Variants in COL4A6 observed in about 807,000 individuals in gnomAD.
The protein encoded by COL4A6 is collagen type IV alpha 6 chain, also known as collagen alpha-6(IV) chain.
COL4A6 carries 59 observed loss-of-function variants against 126.7 expected under a neutral mutation model. The ratio of observed to expected loss-of-function variants is 0.47; its 90% CI spans 0.38 to 0.58. The LOEUF is 0.58. Among genes scored for constraint, COL4A6 ranks in the 20% least tolerant of loss-of-function variants. COL4A6 has a pLI of 0.00. For missense variants in COL4A6, 1,285 were observed against 1,337.3 expected, an observed-to-expected ratio of 0.96 and a Z score of 0.61; for synonymous variants, 547 against 496.6, an observed-to-expected ratio of 1.10 and a Z score of -1.35.
At chrX:108,392,405 C>T (rs1332874432) in intron 2 of COL4A6, among the ~76,000 whole-genome samples, 1 of 108,386 alleles carries the variant, frequency 9.2e-6, no homozygotes, top group Non-Finnish European at 1.9e-5. Flanking sequence ...AGAACTCTCA[C>T]AACTGGACAT....
rs2035515190 is a variant in COL4A6, at chrX:108,205,303, A to T, written c.687+136T>A. On this transcript the variant is annotated intron_variant, in intron 11 of 44. Transcript: ENST00000334504. ...AGCCCTCAAGAGATCCCACCAGAGG[A>T]TCTATGTGGGTTGGGAAATATTCAT... 3 of 540,613 alleles carry T rather than the reference A, an allele frequency of 5.5e-6. No individual in the cohort carries two copies. In the Admixed American group the frequency reaches 7.7e-5, roughly 14 times the overall value. 44.6% of individuals were successfully genotyped at this position (540,613 alleles called of 1,213,427 possible).
intron 3 of COL4A6, among the ~76,000 whole-genome samples, chrX:108,273,081 C>T (rs1034351211): frequency 7.3e-5 from 8 of 110,318 alleles, no homozygotes; most frequent in African/African-American, 2.6e-4. Flanking sequence ...CTATCCCTCC[C>T]CGCTCCCTCC....
chrX:108,340,435 T>C (rs2039533629), intron 2 of COL4A6, among the ~76,000 whole-genome samples: 1 of 111,935 alleles, frequency 8.9e-6, no homozygotes, highest in African/African-American at 3.2e-5. Flanking sequence ...TTGACAAGCA[T>C]GTGCATTTTC....
chrX:108,220,299 C>G (rs1249646217), intron 4 of COL4A6, among the ~76,000 whole-genome samples: 1 of 111,971 alleles, frequency 8.9e-6, no homozygotes, highest in African/African-American at 3.2e-5. Context: ...AGTGCTATCC[C>G]TATGTGGCCC....
intron 7 of COL4A6, 57 bp from the exon 8 acceptor site, chrX:108,210,061 A>T (rs1250258756): frequency 4.2e-5 from 47 of 1,116,066 alleles, no homozygotes; most frequent in Non-Finnish European, 5.6e-5. Flanking sequence ...GCAATATTTC[A>T]GATAACTAAC....
At chrX:108,290,899 T>C (rs2038142873) in intron 3 of COL4A6, among the ~76,000 whole-genome samples, 1 of 112,538 alleles carries the variant, frequency 8.9e-6, no homozygotes, top group Admixed American at 9.4e-5. Flanking sequence ...CTTTTTAATC[T>C]GAAAAAGAAA....
intron 23 of COL4A6, among the ~76,000 whole-genome samples, chrX:108,186,111 T>C (rs1237569384): frequency 8.9e-6 from 1 of 112,251 alleles, no homozygotes; most frequent in Non-Finnish European, 1.9e-5. Context: ...GTTTGGACAT[T>C]ATATGATCTC....
At chrX:108,394,524 T>C (rs1374051028) in intron 2 of COL4A6, among the ~76,000 whole-genome samples, 2 of 111,482 alleles carry the variant, frequency 1.8e-5, no homozygotes, top group Non-Finnish European at 3.8e-5. Flanking sequence ...CTTTTGTAAA[T>C]ACTAATCACA....
chrX:108,255,020 G>T (rs188832475), intron 3 of COL4A6, among the ~76,000 whole-genome samples: 3 of 108,676 alleles, frequency 2.8e-5, no homozygotes, highest in African/African-American at 1.0e-4. Flanking sequence ...GGGAAAAAGT[G>T]AACTCTGCCC....
Position 108,367,425 on chromosome X carries a change from G to A in COL4A6, c.64-56597C>T, listed in dbSNP as rs138758395. Among the ~76,000 whole-genome samples the A allele has an allele frequency of 6.2e-4, 69 of 111,579 alleles. 1 individual carries two copies. In the East Asian group the frequency reaches 0.018, roughly 28 times the overall value. On this transcript the variant is annotated intron_variant, in intron 2 of 44. Coordinates refer to ENST00000334504, the MANE Select transcript of COL4A6 (RefSeq NM_033641.4). ...TGAAAAGAGCACAAAGGTAAGCTTG[G>A]AAGTACCTGCAGAACATACCCTCGT... is the stretch of plus-strand genomic sequence containing the variant.
chrX:108,389,923 G>A (rs1451610142), intron 2 of COL4A6, among the ~76,000 whole-genome samples: 11 of 111,397 alleles, frequency 9.9e-5, no homozygotes, highest in South Asian at 3.8e-4. Context: ...AGGCAGGCCC[G>A]GTGGTGACAA....
intron 2 of COL4A6, among the ~76,000 whole-genome samples, chrX:108,316,901 G>C (rs2038893269): frequency 8.9e-6 from 1 of 112,210 alleles, no homozygotes; most frequent in Non-Finnish European, 1.9e-5. Flanking sequence ...GTTGGAGCAA[G>C]AGCCAGATCA....
rs1405450888 is a variant in COL4A6, at chrX:108,211,608, TG to T, written c.510+63del. 3.9e-6 allele frequency: 4 copies of T among 1,016,449 alleles called. No individual in the cohort carries two copies. In the African/African-American group the frequency reaches 7.5e-5, roughly 19 times the overall value. 83.8% of individuals were successfully genotyped at this position (1,016,449 alleles called of 1,213,427 possible). On this transcript the variant is annotated intron_variant, in intron 7 of 44. Coordinates refer to ENST00000334504, the MANE Select transcript of COL4A6 (RefSeq NM_033641.4). ...GTTCTGGAAATGTTTTCACTGGAGG[TG>T]GGGCCCAATGCTGGGGAACCCAGCT...
Position 108,196,594 on chromosome X carries a change from A to G in COL4A6, c.835-15T>C, listed in dbSNP as rs757218175. 1 of 1,167,298 alleles carries G rather than the reference A, an allele frequency of 8.6e-7. No homozygotes were observed. The highest frequency in any genetic ancestry group is 1.9e-5 in the South Asian group (1 of 53,262). ...GTTCCAAGGCCCTAAATGAAAAAAG[A>G]AACCACAAGTTATAACGTTTGTTTT... On this transcript the variant is annotated splice_polypyrimidine_tract_variant and intron_variant, in intron 13 of 44. Coordinates refer to ENST00000334504, the MANE Select transcript of COL4A6 (RefSeq NM_033641.4).
intron 2 of COL4A6, among the ~76,000 whole-genome samples, chrX:108,392,914 A>G: frequency 8.9e-6 from 1 of 111,810 alleles, no homozygotes; most frequent in South Asian, 3.7e-4. Flanking sequence ...TTGTTTATAT[A>G]CCACCCAGTT....
chrX:108,430,553 G>A (rs977518445), intron 2 of COL4A6, among the ~76,000 whole-genome samples: 1 of 111,947 alleles, frequency 8.9e-6, no homozygotes, highest in Admixed American at 9.5e-5. Flanking sequence ...AGATAAGGAT[G>A]GAGTCAGGAG....
chrX:108,283,036 T>C (rs1056512494), intron 3 of COL4A6, among the ~76,000 whole-genome samples: 1 of 98,916 alleles, frequency 1.0e-5, no homozygotes, highest in Non-Finnish European at 2.0e-5. Context: ...TTAGGAGATA[T>C]ACCTAATGCT....
intron 2 of COL4A6, among the ~76,000 whole-genome samples, chrX:108,433,124 G>A (rs760951132): frequency 8.9e-6 from 1 of 111,886 alleles, no homozygotes; most frequent in Admixed American, 9.4e-5. Context: ...AGAGGTTAGA[G>A]TTATTAAAGT....
At chrX:108,211,785 A>G (rs756866205) in intron 6 of COL4A6, 45 bp from the exon 7 acceptor site, 9 of 1,091,055 alleles carry the variant, frequency 8.2e-6, no homozygotes, top group Non-Finnish European at 1.1e-5. Flanking sequence ...ACACACTTAC[A>G]GTCTTTTTAA....
Sources: gnomAD v4.1 joint callset for allele counts (sites outside exome capture counted in the v4.1 genomes callset) on GRCh38, gnomAD v4.1.1 for gene constraint, MANE v1.5 for transcripts, NCBI Gene and HGNC (gene_info 2026-07-23, HGNC 2026-07-21) for gene names.